The following SLC24A2 variants were observed in gnomAD, a reference collection of about 807,000 sequenced individuals.
The protein encoded by SLC24A2 is solute carrier family 24 member 2, also known as sodium/potassium/calcium exchanger 2.
Under a neutral mutation model 62.0 loss-of-function variants are expected in SLC24A2, and 36 were observed. The observed-to-expected ratio is 0.58, with a 90% confidence interval of 0.44 to 0.77. SLC24A2 has a LOEUF of 0.77. SLC24A2 is among the 30% of genes least tolerant of loss of function. SLC24A2 has a pLI of 0.00. For synonymous variants in SLC24A2, 358 were observed against 294.0 expected, an observed-to-expected ratio of 1.22 and a Z score of -2.23; for missense variants, 846 against 817.9, an observed-to-expected ratio of 1.03 and a Z score of -0.42.
At chr9:20,086,539 C>G in the SLC24A2 span, among the ~76,000 whole-genome samples, 4 of 152,188 alleles carry the variant, frequency 2.6e-5, no homozygotes, top group Non-Finnish European at 5.9e-5. Flanking sequence ...GTTCCCTTGT[C>G]AAGAGAAGTG....
chr9:19,984,960 A>G, the SLC24A2 span, among the ~76,000 whole-genome samples: 2 of 152,140 alleles, frequency 1.3e-5, no homozygotes, highest in African/African-American at 2.4e-5. Flanking sequence ...TCTAAAAAAT[A>G]AGTATAATTT....
chr9:19,862,415 C>T, the SLC24A2 span, among the ~76,000 whole-genome samples: 27 of 152,180 alleles, frequency 1.8e-4, 1 homozygote, highest in East Asian at 5.0e-3. Flanking sequence ...TTCATCAACA[C>T]TAGACCTGTC....
intron 5 of SLC24A2, among the ~76,000 whole-genome samples, chr9:19,579,866 C>A (rs1437266432): frequency 1.3e-5 from 2 of 152,132 alleles, no homozygotes; most frequent in African/African-American, 4.8e-5. Flanking sequence ...GGGAGCCATG[C>A]CCTCTGCCAG....
chr9:20,226,927 T>C, the SLC24A2 span, among the ~76,000 whole-genome samples: 1 of 152,212 alleles, frequency 6.6e-6, no homozygotes. Flanking sequence ...CTAAAGTATT[T>C]GTTCTGATTT....
the SLC24A2 span, among the ~76,000 whole-genome samples, chr9:20,154,014 G>C: frequency 6.6e-6 from 1 of 151,944 alleles, no homozygotes; most frequent in African/African-American, 2.4e-5. Flanking sequence ...GTATACCCCA[G>C]ATTTCTTGGG....
chr9:20,153,168 C>T, the SLC24A2 span, among the ~76,000 whole-genome samples: 5 of 152,018 alleles, frequency 3.3e-5, no homozygotes, highest in African/African-American at 1.2e-4. Context: ...TGCTCTGTAA[C>T]AATTTTTCTC....
At chr9:19,847,970 T>C in the SLC24A2 span, among the ~76,000 whole-genome samples, 1 of 152,218 alleles carries the variant, frequency 6.6e-6, no homozygotes, top group Admixed American at 6.5e-5. Flanking sequence ...CTTTGAATCT[T>C]ATTGTCAAGG....
the SLC24A2 span, among the ~76,000 whole-genome samples, chr9:19,894,013 G>A: frequency 6.6e-6 from 1 of 152,144 alleles, no homozygotes; most frequent in Admixed American, 6.5e-5. Flanking sequence ...CCATCGATCC[G>A]AGCTATATCT....
chr9:19,960,282 G>A, the SLC24A2 span, among the ~76,000 whole-genome samples: 1 of 152,112 alleles, frequency 6.6e-6, no homozygotes, highest in African/African-American at 2.4e-5. Context: ...TGTGACGCAT[G>A]ATATTTTCCA....
chr9:20,291,428 G>A, the SLC24A2 span, among the ~76,000 whole-genome samples: 1 of 152,122 alleles, frequency 6.6e-6, no homozygotes, highest in Admixed American at 6.5e-5. Context: ...CCATGTAATG[G>A]GACAGTCCAT....
the SLC24A2 span, among the ~76,000 whole-genome samples, chr9:20,067,654 G>A: frequency 6.6e-6 from 1 of 152,044 alleles, no homozygotes; most frequent in Non-Finnish European, 1.5e-5. Context: ...TTCTGTTCCT[G>A]CATTAATTCG....
At chr9:19,758,262 C>A (rs1357676345) in intron 2 of SLC24A2, among the ~76,000 whole-genome samples, 1 of 152,098 alleles carries the variant, frequency 6.6e-6, no homozygotes, top group Non-Finnish European at 1.5e-5. Flanking sequence ...TCCTGTGTCT[C>A]CTGTGACCTA....
At chr9:19,986,107 A>G in the SLC24A2 span, among the ~76,000 whole-genome samples, 3 of 152,184 alleles carry the variant, frequency 2.0e-5, no homozygotes, top group Admixed American at 1.3e-4. Flanking sequence ...AACTCAATTT[A>G]AAAATAGGCA....
chr9:19,566,966 G>T (rs931435453), intron 7 of SLC24A2, among the ~76,000 whole-genome samples: 1 of 151,800 alleles, frequency 6.6e-6, no homozygotes, highest in Non-Finnish European at 1.5e-5. Flanking sequence ...GTTGTGGGGT[G>T]GGGGAGGGGG....
At position 19,786,766 on chromosome 9, in the gene SLC24A2, A is replaced by C. The variant is rs1181397055; in HGVS notation, c.101T>G (p.Leu34Arg). ...AAGGCCTAAGACTCGAATTAACTTC[A>C]GTTTTTTCTTGACACTATAATGTCT... ...CRRHYSVKKK[L>R]KLIRVLGLFM... is the part of the protein sequence containing the mutation. The change falls in exon 2 of 11, where the codon CTG (leucine) becomes CGG (arginine). Residue 34 changes from leucine to arginine, a missense_variant. Transcript: ENST00000341998. The surrounding 1 kb of genome is among the most constrained non-coding windows in gnomAD (Gnocchi z 5.0). 1 of 1,601,716 alleles carries C rather than the reference A, an allele frequency of 6.2e-7. No homozygotes were observed. The highest frequency in any genetic ancestry group is 8.5e-7 in the Non-Finnish European group (1 of 1,173,430).
At chr9:20,047,258 T>C in the SLC24A2 span, among the ~76,000 whole-genome samples, 47 of 152,130 alleles carry the variant, frequency 3.1e-4, no homozygotes, top group African/African-American at 1.1e-3. Context: ...TCTGCCACTT[T>C]CTAGCTATGC....
At chr9:19,760,240 A>G (rs1045982213) in intron 2 of SLC24A2, among the ~76,000 whole-genome samples, 9 of 152,086 alleles carry the variant, frequency 5.9e-5, no homozygotes, top group Admixed American at 1.3e-4. Context: ...ATTTGTGTGC[A>G]GGATCCCCCG....
intron 5 of SLC24A2, among the ~76,000 whole-genome samples, chr9:19,579,919 CT>C (rs1836152265): frequency 6.6e-6 from 1 of 152,186 alleles, no homozygotes; most frequent in Non-Finnish European, 1.5e-5. Context: ...CACTCATGGG[CT>C]GGTTTTCCCC....
At chr9:19,873,364 C>G in the SLC24A2 span, among the ~76,000 whole-genome samples, 1 of 146,174 alleles carries the variant, frequency 6.8e-6, no homozygotes, top group Non-Finnish European at 1.5e-5. Context: ...CCTTCCTTCT[C>G]TTTCTTTCTT....
Sources: allele counts gnomAD v4.1 joint callset (sites outside exome capture counted in the v4.1 genomes callset), GRCh38; gene constraint gnomAD v4.1.1; non-coding constraint Gnocchi (gnomAD v3.1); transcripts MANE v1.5; gene names NCBI Gene and HGNC (gene_info 2026-07-23, HGNC 2026-07-21).